The following PARP10 variants were observed in gnomAD, a reference collection of about 807,000 sequenced individuals.
The protein encoded by PARP10 is poly(ADP-ribose) polymerase family member 10.
In PARP10, 56 loss-of-function variants were observed where a neutral mutation model predicts 82.4. That is an observed-to-expected ratio of 0.68 (90% CI 0.55 to 0.85). PARP10 has a LOEUF of 0.85. PARP10 is among the 40% of genes least tolerant of loss of function. The probability of loss-of-function intolerance (pLI) is 0.00; values close to 1 mark genes in which losing one functional copy is unlikely to be tolerated. For synonymous variants in PARP10, 576 were observed against 601.1 expected (o/e 0.96, Z 0.61); for missense variants, 1,227 against 1,379.4 (o/e 0.89, Z 1.75).
rs1164643439 is a variant in PARP10 at position 143,981,352 on chromosome 8, G to A, written c.2556+1580C>T. Among the ~76,000 whole-genome samples the A allele has an allele frequency of 9.3e-5, 11 of 118,714 alleles. No individual in the cohort carries two copies. The South Asian group carries it at 2.4e-3, about 26-fold the overall frequency. The allele number at this position is 118,714 out of a possible 152,430, so 77.9% of individuals were successfully genotyped here. A position where few individuals can be genotyped will look rare whatever the true frequency, so the allele number is the denominator to read the frequency against. ...ACGACAGTGAGTGGTGAAGGTGATG[G>A]TGATGATGGTGGTGACGACAGTGAG... On this transcript the variant is annotated intron_variant, in intron 9 of 10. Coordinates refer to ENST00000313028, the MANE Select transcript of PARP10 (RefSeq NM_032789.5).
intron 1 of PARP10, among the ~76,000 whole-genome samples, chr8:144,003,105 C>T (rs1261301440): frequency 6.6e-6 from 1 of 152,136 alleles, no homozygotes; most frequent in Non-Finnish European, 1.5e-5. Context: ...TTTACATGGA[C>T]ACTCCACTAC....
At chr8:144,012,542 G>A in exon 1 of PARP10, 2 of 1,551,758 alleles carry the variant, frequency 1.3e-6, no homozygotes, top group Non-Finnish European at 1.7e-6. Flanking sequence ...ATTATGAAGG[G>A]CTTCGGCATC....
upstream of PARP10, chr8:143,991,134 G>T (rs1834085391): frequency 1.2e-6 from 1 of 839,852 alleles, no homozygotes; most frequent in South Asian, 1.8e-5. Flanking sequence ...GTGGAGTTGC[G>T]CAGGGCTGGG....
Position 143,985,206 on chromosome 8 carries a change from A to G in PARP10, c.796T>C (p.Ser266Pro), listed in dbSNP as rs1391961196. Residue 266 changes from serine (S) to proline (P), a missense_variant, in exon 5 of 11, where the codon TCC becomes CCC. Ser to Pro is a moderately conservative substitution (Grantham distance 74, BLOSUM62 -1). Transcript: ENST00000313028. ...AENTSGGDHP[S>P]TQGPRATKHA... is the part of the protein sequence containing the mutation. ...TTGGTAGCCCTAGGCCCCTGGGTGG[A>G]CGGGTGGTCCCCTCCACTGGTGTTC... 7 of 1,613,920 alleles carry G rather than the reference A, an allele frequency of 4.3e-6. No homozygotes were observed. In the African/African-American group the frequency reaches 9.3e-5, roughly 22 times the overall value.
chr8:144,012,412 G>A, intron 1 of PARP10: 3 of 1,000,058 alleles, frequency 3.0e-6, no homozygotes, highest in East Asian at 2.6e-5. Flanking sequence ...GGCCAGCCTT[G>A]CAGACTCTGC....
rs1833980260 is a variant in PARP10, at chr8:143,985,953, C to T, written c.204G>A (p.Gln68=). The change falls in exon 3 of 11, where the codon CAG becomes CAA. Residue 68 remains glutamine (Q), a synonymous_variant. Coordinates refer to ENST00000313028, the MANE Select transcript of PARP10 (RefSeq NM_032789.5). ...EPADAERVLA[Q]ADHELHGAQL... ...GGGCACCATGTAGTTCGTGATCTGCCTGGGCCAAGACCCTCTCGGCGTCTG... is the reference window on the plus strand; with the variant it reads ...GGGCACCATGTAGTTCGTGATCTGCTTGGGCCAAGACCCTCTCGGCGTCTG... The T allele has an allele frequency of 6.3e-7, 1 of 1,584,284 alleles. No homozygotes were observed. The highest frequency in any genetic ancestry group is 1.7e-5 in the Admixed American group (1 of 58,284).
At position 143,977,192 on chromosome 8, in the gene PARP10, G is replaced by C; in HGVS notation, c.*292C>G. 2.2e-6 allele frequency: 1 copy of C among 448,582 alleles called. No homozygotes were observed. The highest frequency in any genetic ancestry group is 3.8e-5 in the East Asian group (1 of 26,132). The allele number at this position is 448,582 out of a possible 1,614,324, so 27.8% of individuals were successfully genotyped here. The stretch of plus-strand genomic sequence containing the variant: ...CCCTTCCGCCTGGGTTCACGTTCAC[G>C]TTTATTCAAACAACAGAGCCGACTC... On this transcript the variant is annotated 3_prime_UTR_variant, in exon 11 of 11. Transcript: ENST00000313028.
chr8:143,988,540 A>G (rs550909027), upstream of PARP10, among the ~76,000 whole-genome samples: 1 of 151,276 alleles, frequency 6.6e-6, no homozygotes, highest in African/African-American at 2.4e-5. Context: ...ATCTCAGCTC[A>G]CTGTAACCTC....
chr8:143,991,642 CA>C, upstream of PARP10: 1 of 1,581,886 alleles, frequency 6.3e-7, no homozygotes, highest in Non-Finnish European at 8.7e-7. Flanking sequence ...GCCGGGAGGG[CA>C]GGGGGAGGTG....
At chr8:144,002,489 A>C (rs1488095688) in intron 1 of PARP10, among the ~76,000 whole-genome samples, 2 of 152,226 alleles carry the variant, frequency 1.3e-5, no homozygotes, top group African/African-American at 4.8e-5. Context: ...TCTTCTGAAG[A>C]AGATTCTGGA....
chr8:143,977,780 C>A lies in PARP10; in HGVS notation c.2782G>T (p.Val928Leu). Residue 928 changes from valine (V) to leucine (L), a missense_variant, in exon 11 of 11, where the codon GTG becomes TTG. Val to Leu is a conservative substitution (Grantham distance 32). Coordinates refer to ENST00000313028, the MANE Select transcript of PARP10 (RefSeq NM_032789.5). ...VYFARRASLS[V>L]QDRYSPPNAD... is the part of the protein sequence containing the mutation. ...TTGGGGGGCGAGTAGCGGTCCTGCA[C>A]CGACAGGGAGGCGCGCCTGGCGAAA... 1 of 1,603,978 alleles carries A rather than the reference C, an allele frequency of 6.2e-7. No individual in the cohort carries two copies. Among genetic ancestry groups the A allele is most frequent in the Non-Finnish European group, 8.5e-7 (1 of 1,175,828 alleles).
intron 1 of PARP10, among the ~76,000 whole-genome samples, chr8:144,006,996 C>T (rs1429638313): frequency 2.6e-5 from 4 of 152,328 alleles, no homozygotes; most frequent in South Asian, 4.1e-4. Flanking sequence ...GTCTTTGACT[C>T]CCAGCCTGAA....
intron 4 of PARP10, 39 bp from the exon 5 acceptor site, chr8:143,985,367 C>A: frequency 6.3e-7 from 1 of 1,592,954 alleles, no homozygotes; most frequent in Non-Finnish European, 8.6e-7. Context: ...TGTCAGATTT[C>A]TGCAGGAGAG....
chr8:143,991,318 A>G (rs781902084), upstream of PARP10: 31 of 1,383,352 alleles, frequency 2.2e-5, no homozygotes, highest in Non-Finnish European at 2.9e-5. Context: ...ATGCCCCCCT[A>G]TGCTCAGCCT....
In PARP10 at chr8:143,984,753, T is replaced by G; in HGVS notation, c.1249A>C (p.Met417Leu). 7.4e-6 allele frequency: 12 copies of G among 1,613,594 alleles called. No homozygotes were observed. The highest frequency in any genetic ancestry group is 1.0e-5 in the Non-Finnish European group (12 of 1,179,812). ...SPEQEGLVGP[M>L]EITMGSLEKA... Reference sequence around the variant, plus strand: ...TCCAGAGACCCCATGGTGATCTCCATGGGACCCACCAGCCCCTCTTGCTCT... The same window carrying G: ...TCCAGAGACCCCATGGTGATCTCCAGGGGACCCACCAGCCCCTCTTGCTCT... Residue 417 changes from methionine to leucine, a missense_variant, in exon 5 of 11, where the codon ATG becomes CTG. Physicochemically the swap from Met to Leu is conservative, Grantham distance 15 (BLOSUM62 2). Coordinates refer to ENST00000313028, the MANE Select transcript of PARP10 (RefSeq NM_032789.5).
At chr8:144,001,355 G>GAT (rs1399703860) in intron 1 of PARP10, among the ~76,000 whole-genome samples, 5 of 152,126 alleles carry the variant, frequency 3.3e-5, no homozygotes, top group African/African-American at 1.2e-4. Flanking sequence ...AAGTACCTGG[G>GAT]ATTACAGGCG....
chr8:143,993,778 C>T (rs1287772219), upstream of PARP10, among the ~76,000 whole-genome samples: 5 of 152,190 alleles, frequency 3.3e-5, no homozygotes, highest in East Asian at 1.9e-4. Context: ...GCTCCTTGGG[C>T]GCTCCTTGGG....
chr8:143,983,173 G>A lies in PARP10; in HGVS notation c.2416C>T (p.Pro806Ser). ...SLAFPLAASGPTLAGQTLKGP... is the reference protein window; with the variant it reads ...SLAFPLAASGSTLAGQTLKGP... Reference sequence around the variant, plus strand: ...GTCCAGGAGGTAGACTCACAGGTAGGGCCTGAAGCTGCCAAGGGAAAGGCC... The same window carrying A: ...GTCCAGGAGGTAGACTCACAGGTAGAGCCTGAAGCTGCCAAGGGAAAGGCC... The change falls in exon 8 of 11, where the codon CCT becomes TCT. Residue 806 changes from proline to serine, a missense_variant. Coordinates refer to ENST00000313028, the MANE Select transcript of PARP10 (RefSeq NM_032789.5). 8 of 1,613,360 alleles carry A rather than the reference G, an allele frequency of 5.0e-6. No homozygotes were observed. Among genetic ancestry groups the A allele is most frequent in the Non-Finnish European group, 5.9e-6 (7 of 1,179,672 alleles).
chr8:144,006,249 T>C (rs1380396406), intron 1 of PARP10, among the ~76,000 whole-genome samples: 2 of 152,198 alleles, frequency 1.3e-5, no homozygotes, highest in African/African-American at 2.4e-5. Flanking sequence ...GAAGAGAAAG[T>C]GTGTTAAGCT....
Sources: allele counts gnomAD v4.1 joint callset (sites outside exome capture counted in the v4.1 genomes callset), GRCh38; gene constraint gnomAD v4.1.1; transcripts MANE v1.5; gene names NCBI Gene and HGNC (gene_info 2026-07-23, HGNC 2026-07-21).